SIMC1: variants seen among roughly 807,000 people sequenced by gnomAD.
The protein encoded by SIMC1 is SUMO interacting motifs containing 1.
Under a neutral mutation model 82.3 loss-of-function variants are expected in SIMC1, and 55 were observed. That is an observed-to-expected ratio of 0.67 (90% CI 0.54 to 0.84). The LOEUF (loss-of-function observed/expected upper bound fraction) is 0.84, where lower values mean the gene tolerates loss of function less well. Among genes scored for constraint, SIMC1 ranks in the 40% least tolerant of loss-of-function variants. The probability of loss-of-function intolerance (pLI) is 0.00; values close to 1 mark genes in which losing one functional copy is unlikely to be tolerated. For missense variants in SIMC1, 915 were observed against 1,107.2 expected (o/e 0.83, Z 2.46); for synonymous variants, 353 against 426.3 (o/e 0.83, Z 2.12).
intron 4 of SIMC1, among the ~76,000 whole-genome samples, chr5:176,304,630 GTC>G (rs1176592776): frequency 2.7e-5 from 4 of 146,476 alleles, no homozygotes; most frequent in Non-Finnish European, 3.0e-5. Context: ...AGTGAGGAGT[GTC>G]TCTGCCTGGC....
chr5:176,254,993 C>G (rs1338440218), intron 1 of SIMC1, among the ~76,000 whole-genome samples: 1 of 151,816 alleles, frequency 6.6e-6, no homozygotes, highest in East Asian at 1.9e-4. Flanking sequence ...AATAAAGAAC[C>G]TGGCTAGGCA....
chr5:176,329,758 T>C (rs994170813), intron 7 of SIMC1, among the ~76,000 whole-genome samples: 2 of 152,204 alleles, frequency 1.3e-5, no homozygotes, highest in African/African-American at 2.4e-5. Flanking sequence ...ATGTGTATTC[T>C]AGGATTAAAC....
chr5:176,314,473 T>G (rs2113348112), intron 5 of SIMC1, among the ~76,000 whole-genome samples: 1 of 152,270 alleles, frequency 6.6e-6, no homozygotes, highest in Admixed American at 6.5e-5. Flanking sequence ...AACTTTTCAG[T>G]TTTTATTAAC....
intron 1 of SIMC1, among the ~76,000 whole-genome samples, chr5:176,287,949 A>C (rs1763371003): frequency 6.6e-6 from 1 of 152,186 alleles, no homozygotes; most frequent in Non-Finnish European, 1.5e-5. Flanking sequence ...GGTTAGTTTA[A>C]CCAGCGGGGA....
chr5:176,285,337 AG>A, intron 1 of SIMC1, among the ~76,000 whole-genome samples: 1 of 152,260 alleles, frequency 6.6e-6, no homozygotes, highest in Admixed American at 6.5e-5. Flanking sequence ...TTCAATATAC[AG>A]AAATCAATAA....
intron 7 of SIMC1, among the ~76,000 whole-genome samples, chr5:176,336,504 T>A (rs1435585804): frequency 6.6e-6 from 1 of 152,248 alleles, no homozygotes; most frequent in Non-Finnish European, 1.5e-5. Flanking sequence ...CTTGTCTTTG[T>A]CAAATGTGAA....
intron 4 of SIMC1, among the ~76,000 whole-genome samples, chr5:176,299,629 T>C (rs1763957697): frequency 6.6e-6 from 1 of 152,132 alleles, no homozygotes; most frequent in African/African-American, 2.4e-5. Context: ...TTCCTAAATA[T>C]ATAAAGCAAA....
At chr5:176,266,651 A>C (rs1166156185) in intron 1 of SIMC1, among the ~76,000 whole-genome samples, 2 of 107,694 alleles carry the variant, frequency 1.9e-5, no homozygotes, top group Non-Finnish European at 3.6e-5. Flanking sequence ...ACTCATACTC[A>C]AGGAGGGGGA....
rs371428563 is a variant in SIMC1, at chr5:176,290,383, C to T, written c.859C>T (p.Gln287Ter). ...ACCTCAAGACTCTCTGGGCCTACCTCAAGATGTGCCAGGGCTGCCTCAAAG... is the reference window on the plus strand; with the variant it reads ...ACCTCAAGACTCTCTGGGCCTACCTTAAGATGTGCCAGGGCTGCCTCAAAG... The part of the protein sequence containing the change: ...GPPQDSLGLP[Q>*]DVPGLPQSIL... Residue 287 changes from glutamine (Q) to a stop codon, truncating the protein, a stop_gained, in exon 2 of 10, where the codon CAA becomes TAA. Transcript: ENST00000429602. LOFTEE classifies it high-confidence loss of function. 5 of 1,613,866 alleles carry T rather than the reference C, an allele frequency of 3.1e-6. No homozygotes were observed. Among genetic ancestry groups the T allele is most frequent in the African/African-American group, 1.3e-5 (1 of 74,938 alleles).
chr5:176,294,007 A>C (rs552696433), intron 2 of SIMC1, among the ~76,000 whole-genome samples: 3 of 150,224 alleles, frequency 2.0e-5, no homozygotes, highest in Admixed American at 6.6e-5. Context: ...TGTTCGCACA[A>C]AAAAAAAATG....
intron 9 of SIMC1, among the ~76,000 whole-genome samples, chr5:176,342,912 T>C (rs1766213424): frequency 2.0e-5 from 3 of 152,226 alleles, no homozygotes; most frequent in Admixed American, 6.5e-5. Context: ...GGCCCAAGGC[T>C]CTAAATTCCA....
At chr5:176,274,625 T>G (rs1276982283) in intron 1 of SIMC1, among the ~76,000 whole-genome samples, 3 of 151,928 alleles carry the variant, frequency 2.0e-5, no homozygotes, top group Non-Finnish European at 4.4e-5. Context: ...CTTCTAGGGT[T>G]TTTATGGTTT....
At chr5:176,288,170 G>A (rs1042976842) in intron 1 of SIMC1, among the ~76,000 whole-genome samples, 3 of 152,202 alleles carry the variant, frequency 2.0e-5, no homozygotes, top group African/African-American at 7.2e-5. Context: ...CACTTTGGGA[G>A]GCCAAAGCCG....
chr5:176,323,641 G>C (rs368557994), intron 6 of SIMC1, among the ~76,000 whole-genome samples: 3 of 152,218 alleles, frequency 2.0e-5, no homozygotes, highest in Non-Finnish European at 4.4e-5. Context: ...TGGCCCACCT[G>C]TTGTGTTACT....
At chr5:176,304,663 A>C (rs1381910226) in intron 4 of SIMC1, among the ~76,000 whole-genome samples, 4 of 142,742 alleles carry the variant, frequency 2.8e-5, no homozygotes, top group Non-Finnish European at 6.2e-5. Context: ...CTGGGATGTG[A>C]GGAGCCCCTC....
chr5:176,315,249 AAGGG>A lies in SIMC1; in HGVS notation c.1889+1408_1889+1411del, dbSNP rs1447172387. Among the ~76,000 whole-genome samples, 4 of 152,292 alleles carry A rather than the reference AAGGG, an allele frequency of 2.6e-5. No individual in the cohort carries two copies. The East Asian group carries it at 7.7e-4, about 29-fold the overall frequency. On this transcript the variant is annotated intron_variant, in intron 5 of 9. Coordinates refer to ENST00000429602, the MANE Select transcript of SIMC1 (RefSeq NM_001308195.2). The stretch of plus-strand genomic sequence containing the variant: ...AAGGAGAGCTGGAGTATCACCTGGC[AAGGG>A]AGGAAGGAAGACAGGGGGCGGGGCT...
chr5:176,289,678 A>T lies in SIMC1; in HGVS notation c.154A>T (p.Thr52Ser). ...TVDFIDLTRETRPRTKDRSGL... is the reference protein window; with the variant it reads ...TVDFIDLTRESRPRTKDRSGL... Reference sequence around the variant, plus strand: ...GGACTTCATTGACTTAACTAGAGAGACCAGACCAAGGACAAAAGATCGCAG... The same window carrying T: ...GGACTTCATTGACTTAACTAGAGAGTCCAGACCAAGGACAAAAGATCGCAG... The change falls in exon 2 of 10, where the codon ACC becomes TCC. Residue 52 changes from threonine to serine, a missense_variant. Around this residue, in one of 2 missense-constraint regions of SIMC1, gnomAD observed 902 missense variants for 1,040.3 expected, o/e 0.87. Transcript: ENST00000429602. 6.2e-7 allele frequency: 1 copy of T among 1,609,016 alleles called. No homozygotes were observed.
intron 1 of SIMC1, among the ~76,000 whole-genome samples, chr5:176,283,724 A>C (rs1032658485): frequency 2.6e-5 from 4 of 152,222 alleles, no homozygotes; most frequent in African/African-American, 4.8e-5. Flanking sequence ...AAAGACACAG[A>C]CTGGCAAATT....
chr5:176,326,631 C>A (rs1168153714), intron 7 of SIMC1, among the ~76,000 whole-genome samples: 1 of 152,114 alleles, frequency 6.6e-6, no homozygotes, highest in Non-Finnish European at 1.5e-5. Context: ...GTGGTGGGAT[C>A]TCAGCTCACT....
Sources: gnomAD v4.1 joint callset for allele counts (sites outside exome capture counted in the v4.1 genomes callset) on GRCh38, gnomAD v4.1.1 for gene constraint, gnomAD v4.1.1 regional missense constraint, MANE v1.5 for transcripts, NCBI Gene and HGNC (gene_info 2026-07-23, HGNC 2026-07-21) for gene names.